Variants in CHST6 observed in about 807,000 individuals in gnomAD.
CHST6 encodes the protein carbohydrate sulfotransferase 6.
For synonymous variants in CHST6, 309 were observed against 276.4 expected (o/e 1.12, Z -1.17); for missense variants, 698 against 586.2 (o/e 1.19, Z -1.97).
chr16:75,490,457 A>G (rs1222611938), intron 1 of CHST6, among the ~76,000 whole-genome samples: 1 of 152,174 alleles, frequency 6.6e-6, no homozygotes, highest in Non-Finnish European at 1.5e-5. Flanking sequence ...CAGCCTGGGC[A>G]ACAAGAGTGA....
At chr16:75,489,219 C>T (rs987086104) in intron 1 of CHST6, among the ~76,000 whole-genome samples, 2 of 151,426 alleles carry the variant, frequency 1.3e-5, no homozygotes, top group African/African-American at 2.4e-5. Context: ...GACAACATGA[C>T]GAAACCCCAA....
Position 75,473,137 on chromosome 16 carries a change from A to C in CHST6, c.*5504T>G, listed in dbSNP as rs1418884116. ...ACAACACTCAAATGACTGAAACACA[A>C]TAAGCACTTTTATTGCTCCTAAAGT... On this transcript the variant is annotated 3_prime_UTR_variant, in exon 3 of 3. Coordinates refer to ENST00000332272, the MANE Select transcript of CHST6 (RefSeq NM_021615.5). 1 of 152,304 alleles carries C rather than the reference A, an allele frequency of 6.6e-6. No individual in the cohort carries two copies. The highest frequency in any genetic ancestry group is 1.5e-5 in the Non-Finnish European group (1 of 68,064). The allele number at this position is 152,304 out of a possible 1,614,324, so 9.4% of individuals were successfully genotyped here. A position where few individuals can be genotyped will look rare whatever the true frequency, so the allele number is the denominator to read the frequency against.
rs549695349 is a variant in CHST6 at position 75,474,886 on chromosome 16, C to T, written c.*3755G>A. The T allele has an allele frequency of 2.9e-4, 111 of 385,944 alleles. No homozygotes were observed. In the East Asian group the frequency reaches 3.9e-3, roughly 14 times the overall value. 23.9% of individuals were successfully genotyped at this position (385,944 alleles called of 1,614,324 possible). A position where few individuals can be genotyped will look rare whatever the true frequency, so the allele number is the denominator to read the frequency against. On this transcript the variant is annotated 3_prime_UTR_variant, in exon 3 of 3. Transcript: ENST00000332272. ...TCTCAGCTCACTGCAATCTCTGCCT[C>T]CTGGGTTCAAGCGATTCTCCTGTCT... is the stretch of plus-strand genomic sequence containing the variant.
Position 75,479,097 on chromosome 16 carries a change from C to G in CHST6, c.732G>C (p.Glu244Asp). 1 of 1,605,032 alleles carries G rather than the reference C, an allele frequency of 6.2e-7. No individual in the cohort carries two copies. Among genetic ancestry groups the G allele is most frequent in the Non-Finnish European group, 8.5e-7 (1 of 1,178,810 alleles). The change falls in exon 3 of 3, where the codon GAG becomes GAC. Residue 244 changes from glutamate (E) to aspartate (D), a missense_variant. Coordinates refer to ENST00000332272, the MANE Select transcript of CHST6 (RefSeq NM_021615.5). ...EADPGLRVVR[E>D]VCRSHVRIAE... ...CGATGCGTACGTGGCTACGGCACAC[C>G]TCGCGCACCACGCGCAGGCCGGGGT... is the stretch of plus-strand genomic sequence containing the variant.
chr16:75,485,277 A>C (rs1464924722), intron 1 of CHST6, among the ~76,000 whole-genome samples: 1 of 152,210 alleles, frequency 6.6e-6, no homozygotes, highest in Non-Finnish European at 1.5e-5. Context: ...ATTTTTGTCA[A>C]AACACTACAC....
In CHST6 at chr16:75,478,921, A is replaced by G; in HGVS notation, c.908T>C (p.Ile303Thr). ...LSLTPQLEAW[I>T]HNITHGSGPG... ...TCCAGATCCGTGGGTGATGTTATGG[A>G]TCCAGGCCTCGAGCTGTGGCGTGAG... Residue 303 changes from isoleucine (I) to threonine (T), a missense_variant, in exon 3 of 3, where the codon ATC (isoleucine) becomes ACC (threonine). Transcript: ENST00000332272. The G allele has an allele frequency of 6.2e-7, 1 of 1,613,102 alleles. No individual in the cohort carries two copies. The highest frequency in any genetic ancestry group is 8.5e-7 in the Non-Finnish European group (1 of 1,179,934).
At chr16:75,489,896 A>G (rs577378368) in intron 1 of CHST6, among the ~76,000 whole-genome samples, 14 of 152,182 alleles carry the variant, frequency 9.2e-5, no homozygotes, top group Non-Finnish European at 1.8e-4. Flanking sequence ...AAGATGCTCA[A>G]CCAGGCGCAG....
intron 1 of CHST6, among the ~76,000 whole-genome samples, chr16:75,486,666 C>T (rs549014666): frequency 6.6e-6 from 1 of 152,350 alleles, no homozygotes; most frequent in South Asian, 2.1e-4. Flanking sequence ...AGTTCACAGG[C>T]AAGCTGACAG....
chr16:75,491,770 G>C (rs938913841), intron 1 of CHST6, among the ~76,000 whole-genome samples: 2 of 152,208 alleles, frequency 1.3e-5, no homozygotes, highest in African/African-American at 4.8e-5. Flanking sequence ...TTGGTTAAAG[G>C]AGGCTTAGGT....
intron 1 of CHST6, among the ~76,000 whole-genome samples, chr16:75,493,626 G>A (rs2550902): frequency 0.055 from 8,341 of 152,092 alleles, 447 homozygotes; most frequent in African/African-American, 0.14. Context: ...AAAGTCTGGC[G>A]CATAGTGCAC....
Position 75,478,406 on chromosome 16 carries a change from A to C in CHST6, c.*235T>G. 2 of 570,996 alleles carry C rather than the reference A, an allele frequency of 3.5e-6. No homozygotes were observed. Among genetic ancestry groups the C allele is most frequent in the Non-Finnish European group, 6.3e-6 (2 of 319,282 alleles). 35.4% of individuals were successfully genotyped at this position (570,996 alleles called of 1,614,324 possible). ...CCCTGTGCCCAGAGGAGGAGGGGCA[A>C]GAGTTGCTTTCCATGAAGAGTGCAC... On this transcript the variant is annotated 3_prime_UTR_variant, in exon 3 of 3. Transcript: ENST00000332272.
intron 1 of CHST6, among the ~76,000 whole-genome samples, chr16:75,483,751 C>T (rs977981620): frequency 4.6e-5 from 7 of 152,138 alleles, no homozygotes; most frequent in African/African-American, 1.4e-4. Context: ...CAGCCGGGTA[C>T]GGTAACTCAT....
At position 75,478,978 on chromosome 16, in the gene CHST6, A is replaced by G; in HGVS notation, c.851T>C (p.Ile284Thr). 1 of 1,612,908 alleles carries G rather than the reference A, an allele frequency of 6.2e-7. No individual in the cohort carries two copies. Among genetic ancestry groups the G allele is most frequent in the East Asian group, 2.2e-5 (1 of 44,876 alleles). ...EDLAREPLAE[I>T]RALYAFTGLS... ...CCCAGTGAAGGCGTAGAGCGCACGG[A>G]TTTCTGCCAGCGGCTCCCGCGCCAG... The change falls in exon 3 of 3, where the codon ATC (isoleucine) becomes ACC (threonine). Residue 284 changes from isoleucine to threonine, a missense_variant. Transcript: ENST00000332272.
intron 1 of CHST6, among the ~76,000 whole-genome samples, chr16:75,491,174 A>ATATATATATAT (rs1473781698): frequency 1.4e-5 from 1 of 72,352 alleles, no homozygotes; most frequent in African/African-American, 6.6e-5. Flanking sequence ...TTAAAAAAAA[A>ATATATATATAT]AAAAAAAAAA....
rs780317850 is a variant in CHST6 at position 75,479,822 on chromosome 16, G to T, written c.7C>A (p.Leu3Met). The change falls in exon 3 of 3, where the codon CTG becomes ATG. Residue 3 changes from leucine (L) to methionine (M), a missense_variant. By Grantham distance (15) the Leu-to-Met change is conservative. Coordinates refer to ENST00000332272, the MANE Select transcript of CHST6 (RefSeq NM_021615.5). The stretch of plus-strand genomic sequence containing the variant: ...ACTGCTGTGCTGGAGACGCGCGGCA[G>T]CCACATGCTGACTGCTGGGGGCCTT... MW[L>M]PRVSSTAVTA... The T allele has an allele frequency of 1.2e-5, 19 of 1,556,188 alleles. No homozygotes were observed. In the South Asian group the frequency reaches 2.2e-4, roughly 18 times the overall value.
At position 75,478,848 on chromosome 16, in the gene CHST6, G is replaced by C; in HGVS notation, c.981C>G (p.Leu327=). The C allele has an allele frequency of 6.2e-7, 1 of 1,613,506 alleles. No homozygotes were observed. Among genetic ancestry groups the C allele is most frequent in the East Asian group, 2.2e-5 (1 of 44,878 alleles). The change falls in exon 3 of 3, where the codon CTC becomes CTG. Residue 327 remains leucine (L), a synonymous_variant. Transcript: ENST00000332272. ...EAFKTSSRNA[L]NVSQAWRHAL... ...CATGGCGCCAGGCCTGGGAGACGTTGAGCGCATTCCTGGACGAAGTCTTGA... is the reference window on the plus strand; with the variant it reads ...CATGGCGCCAGGCCTGGGAGACGTTCAGCGCATTCCTGGACGAAGTCTTGA...
chr16:75,487,640 A>C (rs2080213466), intron 1 of CHST6, among the ~76,000 whole-genome samples: 1 of 151,904 alleles, frequency 6.6e-6, no homozygotes, highest in South Asian at 2.1e-4. Context: ...TCTACTAAAA[A>C]TACAAAAAAT....
chr16:75,479,697 C>T lies in CHST6; in HGVS notation c.132G>A (p.Leu44=), dbSNP rs770219205. The change falls in exon 3 of 3, where the codon CTG becomes CTA. Residue 44 remains leucine (L), a synonymous_variant. Transcript: ENST00000332272. The stretch of plus-strand genomic sequence containing the variant: ...AGCCCGAGCGCCACGAGGACAGCAC[C>T]AGCACATGCACGCGCGCCTCGCCGC... ...PAGGEARVHV[L]VLSSWRSGSS... The T allele has an allele frequency of 3.1e-6, 5 of 1,611,778 alleles. No homozygotes were observed. Among genetic ancestry groups the T allele is most frequent in the Non-Finnish European group, 3.4e-6 (4 of 1,179,258 alleles).
rs748367119 is a variant in CHST6 at position 75,479,514 on chromosome 16, G to A, written c.315C>T (p.Asp105=). 2 of 1,612,832 alleles carry A rather than the reference G, an allele frequency of 1.2e-6. No homozygotes were observed. Among genetic ancestry groups the A allele is most frequent in the African/African-American group, 1.3e-5 (1 of 75,012 alleles). Residue 105 remains aspartate, a synonymous_variant, in exon 3 of 3, where the codon GAC becomes GAT. Coordinates refer to ENST00000332272, the MANE Select transcript of CHST6 (RefSeq NM_021615.5). ...LVRSVFLCDM[D]VFDAYLPWRR... is the part of the protein sequence containing the mutation. ...GCCAAGGCAGATAGGCATCAAACAC[G>A]TCCATGTCGCACAGGAAGACGGAGC...
Sources: gnomAD v4.1 joint callset for allele counts (sites outside exome capture counted in the v4.1 genomes callset) on GRCh38, gnomAD v4.1.1 for gene constraint, MANE v1.5 for transcripts, NCBI Gene and HGNC (gene_info 2026-07-23, HGNC 2026-07-21) for gene names.